The following SSBP2 variants were observed in gnomAD, a reference collection of about 807,000 sequenced individuals.
The protein encoded by SSBP2 is single-stranded DNA-binding protein 2.
SSBP2 carries 17 observed loss-of-function variants against 61.8 expected under a neutral mutation model. The observed-to-expected ratio is 0.28, with a 90% CI of 0.19 to 0.41. SSBP2 has a LOEUF of 0.41. SSBP2 is among the 10% of genes least tolerant of loss of function. The pLI is 1.00. For missense variants in SSBP2, 310 were observed against 458.7 expected (o/e 0.68, Z 2.96); for synonymous variants, 139 against 141.3 (o/e 0.98, Z 0.12).
intron 1 of SSBP2, among the ~76,000 whole-genome samples, chr5:81,695,925 A>G (rs1753571438): frequency 6.6e-6 from 1 of 152,226 alleles, no homozygotes; most frequent in Non-Finnish European, 1.5e-5. Flanking sequence ...ATTTAATAAA[A>G]TGCATGAGTA....
At chr5:81,500,367 T>A (rs1378199059) in intron 5 of SSBP2, among the ~76,000 whole-genome samples, 1 of 150,932 alleles carries the variant, frequency 6.6e-6, no homozygotes, top group Non-Finnish European at 1.5e-5. Context: ...GCACCCACCA[T>A]CACGCCCAGC....
At chr5:81,697,968 A>C (rs953912301) in intron 1 of SSBP2, among the ~76,000 whole-genome samples, 49 of 152,320 alleles carry the variant, frequency 3.2e-4, no homozygotes, top group African/African-American at 1.2e-3. Context: ...TCTTTTGAAA[A>C]ATAACTTCTT....
chr5:81,648,796 CTAATAGCCACAAAAACTTT>C (rs1298237005), intron 2 of SSBP2, among the ~76,000 whole-genome samples: 3 of 151,608 alleles, frequency 2.0e-5, no homozygotes, highest in African/African-American at 7.3e-5. Flanking sequence ...TTTAAAACTT[CTAATAGCCACAAAAACTTT>C]TAATAGCCAC....
chr5:81,636,643 CT>C (rs1748263320), intron 2 of SSBP2, 25 bp from the exon 3 acceptor site: 2 of 1,541,602 alleles, frequency 1.3e-6, no homozygotes, highest in Admixed American at 3.5e-5. Context: ...AGAGATATTA[CT>C]TTCCTAATAA....
intron 3 of SSBP2, among the ~76,000 whole-genome samples, chr5:81,633,196 A>G (rs1747897310): frequency 7.3e-6 from 1 of 137,176 alleles, no homozygotes; most frequent in South Asian, 2.3e-4. Context: ...GCTCACTGTA[A>G]CCTCCGTCTC....
chr5:81,562,401 T>C (rs1053256485), intron 4 of SSBP2, among the ~76,000 whole-genome samples: 2 of 152,200 alleles, frequency 1.3e-5, no homozygotes, highest in African/African-American at 2.4e-5. Context: ...ACATATATCA[T>C]AACTATGCAA....
chr5:81,623,331 C>CTTTTTTT (rs35687529), intron 3 of SSBP2, among the ~76,000 whole-genome samples: 3 of 110,578 alleles, frequency 2.7e-5, no homozygotes, highest in East Asian at 2.8e-4. Context: ...CATTGTAGTA[C>CTTTTTTT]TTTTTTTTTT....
chr5:81,506,118 C>CA (rs1768161685), intron 5 of SSBP2, among the ~76,000 whole-genome samples: 1 of 152,162 alleles, frequency 6.6e-6, no homozygotes, highest in Non-Finnish European at 1.5e-5. Context: ...ACAGCATTAT[C>CA]AAAGCCAGCA....
intron 15 of SSBP2, among the ~76,000 whole-genome samples, chr5:81,431,526 T>TG (rs1440315723): frequency 1.3e-5 from 2 of 152,084 alleles, no homozygotes; most frequent in African/African-American, 2.4e-5. Context: ...TTCCTCTGGC[T>TG]GCCATGTTTA....
At chr5:81,697,771 G>C (rs1189606071) in intron 1 of SSBP2, among the ~76,000 whole-genome samples, 2 of 152,026 alleles carry the variant, frequency 1.3e-5, no homozygotes, top group Admixed American at 6.6e-5. Context: ...AAATAGGCAA[G>C]GTAAAACACT....
At chr5:81,700,055 C>T (rs1465087567) in intron 1 of SSBP2, among the ~76,000 whole-genome samples, 1 of 151,978 alleles carries the variant, frequency 6.6e-6, no homozygotes, top group African/African-American at 2.4e-5. Context: ...CCATGTTGCC[C>T]AAGCTAGTTT....
chr5:81,736,164 ACACACACACACACACACACACACACT>A (rs1482226719), intron 1 of SSBP2, among the ~76,000 whole-genome samples: 4 of 131,412 alleles, frequency 3.0e-5, no homozygotes, highest in Non-Finnish European at 4.6e-5. Flanking sequence ...ACACACACAC[ACACACACACACACACACACACACACT>A]CTACGGCACT....
chr5:81,432,932 T>TGG (rs1263464116), intron 15 of SSBP2, among the ~76,000 whole-genome samples: 1 of 78,668 alleles, frequency 1.3e-5, no homozygotes, highest in African/African-American at 4.8e-5. Context: ...GGGAGGGAGG[T>TGG]GGGGGGGGTC....
At chr5:81,435,993 G>C (rs1316197055) in intron 15 of SSBP2, among the ~76,000 whole-genome samples, 1 of 151,964 alleles carries the variant, frequency 6.6e-6, no homozygotes, top group African/African-American at 2.4e-5. Context: ...TTCGAGACCA[G>C]CCTGACCAAT....
chr5:81,700,436 G>A (rs534697653), intron 1 of SSBP2, among the ~76,000 whole-genome samples: 5 of 152,316 alleles, frequency 3.3e-5, no homozygotes, highest in African/African-American at 1.2e-4. Context: ...TGCACAGGCA[G>A]AGTAGATTTA....
chr5:81,665,677 G>T (rs80311632), intron 1 of SSBP2, among the ~76,000 whole-genome samples: 8,955 of 152,074 alleles, frequency 0.059, 545 homozygotes, highest in African/African-American at 0.15. Flanking sequence ...ATTATTATTA[G>T]TAGTAGTAGT....
At chr5:81,438,952 A>C (rs1285189246) in intron 14 of SSBP2, among the ~76,000 whole-genome samples, 1 of 152,224 alleles carries the variant, frequency 6.6e-6, no homozygotes, top group Non-Finnish European at 1.5e-5. Flanking sequence ...CTGAATTTTA[A>C]AATTTACTTA....
chr5:81,562,314 T>C (rs575041231), intron 4 of SSBP2, among the ~76,000 whole-genome samples: 6 of 152,192 alleles, frequency 3.9e-5, no homozygotes, highest in African/African-American at 1.4e-4. Flanking sequence ...TTGCCTACCA[T>C]AAGTAAGATA....
At chr5:81,579,522 C>A (rs192795115) in intron 4 of SSBP2, among the ~76,000 whole-genome samples, 1 of 152,116 alleles carries the variant, frequency 6.6e-6, no homozygotes, top group East Asian at 1.9e-4. Context: ...AATGTACAGA[C>A]CTCATTCAGG....
Sources: allele counts gnomAD v4.1 joint callset (sites outside exome capture counted in the v4.1 genomes callset), GRCh38; gene constraint gnomAD v4.1.1; transcripts MANE v1.5; gene names NCBI Gene and HGNC (gene_info 2026-07-23, HGNC 2026-07-21).